Variants in KLF8 observed in about 807,000 individuals in gnomAD.
The protein encoded by KLF8 is Krueppel-like factor 8.
KLF8 carries 10 observed loss-of-function variants against 18.2 expected under a neutral mutation model. The ratio of observed to expected loss-of-function variants is 0.55; its 90% CI spans 0.34 to 0.93. The LOEUF (loss-of-function observed/expected upper bound fraction) is 0.93. Among genes scored for constraint, KLF8 ranks in the 40% least tolerant of loss-of-function variants. KLF8 has a pLI of 0.02. For missense variants in KLF8, 264 were observed against 277.9 expected, an observed-to-expected ratio of 0.95 and a Z score of 0.36; for synonymous variants, 109 against 97.3, an observed-to-expected ratio of 1.12 and a Z score of -0.71.
chrX:56,164,748 T>TTATTTTTTTTTTTTTTTTTTTA, the KLF8 span, among the ~76,000 whole-genome samples: 1 of 36,620 alleles, frequency 2.7e-5, no homozygotes, highest in African/African-American at 1.3e-4. Context: ...TTTTTTTTTT[T>TTATTTTTTTTTTTTTTTTTTTA]AACTTTTTTT....
At chrX:56,251,690 T>G (rs2066715242) in intron 2 of KLF8, among the ~76,000 whole-genome samples, 1 of 110,679 alleles carries the variant, frequency 9.0e-6, no homozygotes, top group Non-Finnish European at 1.9e-5. Flanking sequence ...CTCGAACTCC[T>G]GACCTCATGA....
At chrX:56,053,752 G>T in the KLF8 span, among the ~76,000 whole-genome samples, 4 of 109,397 alleles carry the variant, frequency 3.7e-5, no homozygotes, top group Admixed American at 3.9e-4. Flanking sequence ...TATGTGTCCA[G>T]GAATTCATCT....
At chrX:56,008,954 C>A in the KLF8 span, among the ~76,000 whole-genome samples, 14 of 112,018 alleles carry the variant, frequency 1.2e-4, no homozygotes, top group Non-Finnish European at 2.6e-4. Flanking sequence ...GGGACAGAGG[C>A]CCTAGAAGGA....
the KLF8 span, among the ~76,000 whole-genome samples, chrX:55,935,064 C>T: frequency 8.9e-6 from 1 of 112,066 alleles, no homozygotes; most frequent in African/African-American, 3.2e-5. Flanking sequence ...ACTAACCTTA[C>T]TAATACTTAC....
chrX:56,151,298 G>A, the KLF8 span, among the ~76,000 whole-genome samples: 1 of 111,533 alleles, frequency 9.0e-6, no homozygotes, highest in Non-Finnish European at 1.9e-5. Flanking sequence ...AATCACTCTG[G>A]CTGCTTATAA....
At chrX:56,062,530 G>A in the KLF8 span, among the ~76,000 whole-genome samples, 1 of 112,252 alleles carries the variant, frequency 8.9e-6, no homozygotes, top group African/African-American at 3.2e-5. Context: ...CTTCTGGCTT[G>A]TAGGGTTTCT....
the KLF8 span, among the ~76,000 whole-genome samples, chrX:56,060,437 G>A: frequency 8.9e-6 from 1 of 111,971 alleles, no homozygotes; most frequent in Non-Finnish European, 1.9e-5. Flanking sequence ...CATCTATTGA[G>A]ACAATCATAT....
intron 1 of KLF8, among the ~76,000 whole-genome samples, chrX:56,242,007 C>T (rs182766570): frequency 8.9e-6 from 1 of 112,063 alleles, no homozygotes; most frequent in East Asian, 2.8e-4. Flanking sequence ...TGCTCAAGGT[C>T]ACACAACAAT....
the KLF8 span, among the ~76,000 whole-genome samples, chrX:56,070,430 AAAAG>A: frequency 3.6e-5 from 4 of 110,703 alleles, no homozygotes; most frequent in Non-Finnish European, 7.6e-5. Flanking sequence ...TAAAAAAAGA[AAAAG>A]AGAGAGAGAG....
chrX:56,061,384 C>T, the KLF8 span, among the ~76,000 whole-genome samples: 6 of 111,646 alleles, frequency 5.4e-5, no homozygotes, highest in Non-Finnish European at 9.4e-5. Context: ...TCATTGGTTT[C>T]GAAGAACTTA....
chrX:55,947,611 C>T, the KLF8 span, among the ~76,000 whole-genome samples: 1 of 105,573 alleles, frequency 9.5e-6, no homozygotes, highest in Non-Finnish European at 1.9e-5. Flanking sequence ...ACATTGTGCA[C>T]ATGTACCCTA....
At chrX:56,084,389 CAAACAAACA>C in the KLF8 span, among the ~76,000 whole-genome samples, 1 of 110,424 alleles carries the variant, frequency 9.1e-6, no homozygotes, top group Non-Finnish European at 1.9e-5. Flanking sequence ...AACAAACAAA[CAAACAAACA>C]AAACAAACAA....
chrX:56,156,991 C>T, the KLF8 span, among the ~76,000 whole-genome samples: 3 of 109,155 alleles, frequency 2.7e-5, no homozygotes, highest in African/African-American at 1.0e-4. Flanking sequence ...ACCCAAATGT[C>T]CAACAATGAT....
At chrX:56,002,492 A>G in the KLF8 span, among the ~76,000 whole-genome samples, 1 of 110,050 alleles carries the variant, frequency 9.1e-6, no homozygotes, top group Non-Finnish European at 1.9e-5. Flanking sequence ...TGTGAGCTTC[A>G]TGAGAGCAGG....
the KLF8 span, among the ~76,000 whole-genome samples, chrX:55,982,542 G>C: frequency 5.4e-5 from 6 of 111,767 alleles, no homozygotes; most frequent in Non-Finnish European, 1.1e-4. Flanking sequence ...TACATTGGCT[G>C]TCAGAATAAT....
chrX:56,184,777 A>G, the KLF8 span, among the ~76,000 whole-genome samples: 2 of 112,138 alleles, frequency 1.8e-5, no homozygotes, highest in Non-Finnish European at 3.8e-5. Context: ...TCTAGGGTGG[A>G]CCTCCAGCAA....
the KLF8 span, among the ~76,000 whole-genome samples, chrX:56,136,452 T>C: frequency 9.0e-6 from 1 of 110,770 alleles, no homozygotes; most frequent in Non-Finnish European, 1.9e-5. Context: ...TAACGCCGCA[T>C]ATCTACAACT....
the KLF8 span, among the ~76,000 whole-genome samples, chrX:56,127,104 C>T: frequency 9.0e-6 from 1 of 110,855 alleles, no homozygotes; most frequent in Non-Finnish European, 1.9e-5. Flanking sequence ...TAGTGCCTCC[C>T]AGAGAGACCT....
At chrX:56,138,566 C>G in the KLF8 span, among the ~76,000 whole-genome samples, 12 of 111,079 alleles carry the variant, frequency 1.1e-4, no homozygotes, top group Admixed American at 1.1e-3. Flanking sequence ...AAAACAAAAA[C>G]CACATGATCA....
Sources: gnomAD v4.1 joint callset for allele counts (sites outside exome capture counted in the v4.1 genomes callset) on GRCh38, gnomAD v4.1.1 for gene constraint, MANE v1.5 for transcripts, NCBI Gene and HGNC (gene_info 2026-07-23, HGNC 2026-07-21) for gene names.